Variants in ELAVL4 observed in about 807,000 individuals in gnomAD.
ELAVL4 encodes the protein ELAV like RNA binding protein 4.
A neutral mutation model predicts 35.6 loss-of-function variants in ELAVL4; 1 was observed. That is an observed-to-expected ratio of 0.03 (90% confidence interval 0.01 to 0.13). ELAVL4 has a LOEUF of 0.13. Among genes scored for constraint, ELAVL4 ranks in the 10% least tolerant of loss-of-function variants. The pLI is 1.00. For synonymous variants in ELAVL4, 156 were observed against 171.0 expected, an observed-to-expected ratio of 0.91 and a Z score of 0.69; for missense variants, 267 against 464.9, an observed-to-expected ratio of 0.57 and a Z score of 3.91.
At chr1:50,068,609 G>C (rs767269868) in intron 1 of ELAVL4, among the ~76,000 whole-genome samples, 1 of 152,188 alleles carries the variant, frequency 6.6e-6, no homozygotes, top group Non-Finnish European at 1.5e-5. Flanking sequence ...ATCAAGGGTT[G>C]ATTTTTGAAC....
intron 2 of ELAVL4, among the ~76,000 whole-genome samples, 181 bp from the exon 3 acceptor site, chr1:50,176,908 G>C (rs1680132690): frequency 6.6e-6 from 1 of 152,214 alleles, no homozygotes; most frequent in Admixed American, 6.5e-5. Flanking sequence ...GGAGGAATTG[G>C]AAACCTCTCA....
chr1:50,179,961 G>C (rs1298524820), intron 3 of ELAVL4: 1 of 152,140 alleles, frequency 6.6e-6, no homozygotes, highest in African/African-American at 2.4e-5. Context: ...ATTGTTGCCA[G>C]ATCTACCAGT....
intron 1 of ELAVL4, among the ~76,000 whole-genome samples, chr1:50,114,220 A>G (rs1290697480): frequency 6.6e-6 from 1 of 151,984 alleles, no homozygotes; most frequent in Non-Finnish European, 1.5e-5. Context: ...GTGAGTGTAT[A>G]TGGATATGTG....
intron 1 of ELAVL4, among the ~76,000 whole-genome samples, chr1:50,089,495 G>A (rs1190474151): frequency 6.6e-6 from 1 of 152,168 alleles, no homozygotes; most frequent in African/African-American, 2.4e-5. Context: ...ACTCATTCTT[G>A]TAATCCCAGC....
At chr1:50,199,950 C>CA (rs1401833157) in intron 6 of ELAVL4, among the ~76,000 whole-genome samples, 15 of 152,238 alleles carry the variant, frequency 9.9e-5, no homozygotes, top group Admixed American at 2.0e-4. Flanking sequence ...AAACCTAATA[C>CA]AAAAGCAGTT....
intron 2 of ELAVL4, chr1:50,174,368 C>T (rs1679593098): frequency 6.6e-6 from 1 of 152,170 alleles, no homozygotes; most frequent in African/African-American, 2.4e-5. Flanking sequence ...CTGCCTCTGT[C>T]CTCCTCTTGT....
chr1:50,153,568 T>C (rs1174713822), intron 2 of ELAVL4, among the ~76,000 whole-genome samples: 1 of 152,158 alleles, frequency 6.6e-6, no homozygotes, highest in African/African-American at 2.4e-5. Context: ...TAGACTGAGA[T>C]TCTCAAAGCA....
chr1:50,149,265 G>C (rs1429742283), intron 2 of ELAVL4, among the ~76,000 whole-genome samples: 1 of 151,830 alleles, frequency 6.6e-6, no homozygotes, highest in Admixed American at 6.6e-5. Flanking sequence ...AGGCGTGGTG[G>C]TGGGCGCCTG....
chr1:50,177,306 A>G, intron 3 of ELAVL4, 114 bp downstream of exon 3: 1 of 782,190 alleles, frequency 1.3e-6, no homozygotes, highest in Non-Finnish European at 2.2e-6. Flanking sequence ...GATTTATTCA[A>G]AGAACATTTA....
intron 2 of ELAVL4, among the ~76,000 whole-genome samples, chr1:50,169,197 A>G (rs1678544156): frequency 6.6e-6 from 1 of 151,624 alleles, no homozygotes; most frequent in Admixed American, 6.6e-5. Flanking sequence ...TCCTTTTCAC[A>G]TTTTTCTGCC....
chr1:50,151,485 G>A (rs1674778616), intron 2 of ELAVL4, among the ~76,000 whole-genome samples: 1 of 152,052 alleles, frequency 6.6e-6, no homozygotes, highest in South Asian at 2.1e-4. Flanking sequence ...TATTGTGCAG[G>A]CACTGTATTG....
intron 1 of ELAVL4, among the ~76,000 whole-genome samples, chr1:50,137,992 A>AAGGCTGCCCTGAACCACC (rs1416406716): frequency 6.6e-6 from 1 of 152,184 alleles, no homozygotes; most frequent in African/African-American, 2.4e-5. Context: ...AGTAAGAGCA[A>AAGGCTGCCCTGAACCACC]AGGCTGCCCT....
chr1:50,104,542 T>C (rs1262075552), upstream of ELAVL4, among the ~76,000 whole-genome samples: 2 of 152,218 alleles, frequency 1.3e-5, no homozygotes, highest in Non-Finnish European at 2.9e-5. Flanking sequence ...CACTATTGTG[T>C]ATGGCTAAAT....
At chr1:50,144,927 G>A (rs762762550) in intron 1 of ELAVL4, 30 bp from the exon 2 acceptor site, 3 of 1,594,838 alleles carry the variant, frequency 1.9e-6, no homozygotes, top group Admixed American at 1.8e-5. Flanking sequence ...ATTTCAAAAG[G>A]CTTTTTCAAT....
rs1034901258 is a variant in ELAVL4, at chr1:50,201,267, GAAAC to G, written c.*94_*97del. On this transcript the variant is annotated 3_prime_UTR_variant, in exon 7 of 7. Coordinates refer to ENST00000371824, the MANE Select transcript of ELAVL4 (RefSeq NM_001144774.3). This position sits in a 1 kb window ranked among gnomAD's most constrained non-coding sequence, Gnocchi z 4.3. ...CACACACACATACACGAAAGAGAGA[GAAAC>G]AAACTTTTCAAGGCTTATATTCAAC... 9 of 1,382,164 alleles carry G rather than the reference GAAAC, an allele frequency of 6.5e-6. No homozygotes were observed. The African/African-American group carries it at 1.3e-4, about 20-fold the overall frequency. The allele number at this position is 1,382,164 out of a possible 1,614,324, so 85.6% of individuals were successfully genotyped here.
chr1:50,190,656 C>G (rs909982679), intron 3 of ELAVL4, among the ~76,000 whole-genome samples: 1 of 152,178 alleles, frequency 6.6e-6, no homozygotes, highest in Non-Finnish European at 1.5e-5. Context: ...TTCTCCCTAG[C>G]TGAGATTCTA....
At chr1:50,181,583 C>G (rs555023288) in intron 3 of ELAVL4, among the ~76,000 whole-genome samples, 11 of 152,286 alleles carry the variant, frequency 7.2e-5, no homozygotes, top group Middle Eastern at 3.4e-3. Context: ...GTGTTTCAGC[C>G]CTGAGCCCAG....
intron 1 of ELAVL4, among the ~76,000 whole-genome samples, chr1:50,113,392 G>A (rs539540762): frequency 6.6e-6 from 1 of 152,082 alleles, no homozygotes; most frequent in African/African-American, 2.4e-5. Flanking sequence ...GAAACAAATT[G>A]TCTGTATGTA....
At chr1:50,144,934 C>A (rs763983230) in intron 1 of ELAVL4, 23 bp from the exon 2 acceptor site, 2 of 1,595,542 alleles carry the variant, frequency 1.3e-6, no homozygotes, top group Non-Finnish European at 1.7e-6. Flanking sequence ...AAGGCTTTTT[C>A]AATTGTTTTT....
Sources: allele counts gnomAD v4.1 joint callset (sites outside exome capture counted in the v4.1 genomes callset), GRCh38; gene constraint gnomAD v4.1.1; non-coding constraint Gnocchi (gnomAD v3.1); transcripts MANE v1.5; gene names NCBI Gene and HGNC (gene_info 2026-07-23, HGNC 2026-07-21).